Variants in TOX2 observed in about 807,000 individuals in gnomAD.
TOX2 encodes granulosa cell HMG box 1.
TOX2 carries 15 observed loss-of-function variants against 47.4 expected under a neutral mutation model. The ratio of observed to expected loss-of-function variants is 0.32; its 90% CI spans 0.21 to 0.49. The LOEUF (loss-of-function observed/expected upper bound fraction) is 0.49. Among genes scored for constraint, TOX2 ranks in the 20% least tolerant of loss-of-function variants. The pLI is 0.99. For synonymous variants in TOX2, 290 were observed against 296.6 expected (o/e 0.98, Z 0.23); for missense variants, 622 against 673.1 (o/e 0.92, Z 0.84).
chr20:43,993,986 C>T (rs2070417657), intron 2 of TOX2, among the ~76,000 whole-genome samples: 1 of 151,750 alleles, frequency 6.6e-6, no homozygotes, highest in Admixed American at 6.6e-5. Flanking sequence ...GACCCGGTCT[C>T]TACAAAAAAA....
chr20:44,051,365 G>T lies in TOX2; in HGVS notation c.471G>T (p.Leu157=). Residue 157 remains leucine (L), a synonymous_variant, in exon 4 of 9, where the codon CTG becomes CTT. Coordinates refer to ENST00000341197, the MANE Select transcript of TOX2 (RefSeq NM_001098797.2). The part of the protein sequence containing the change: ...AAYDSGRPGP[L]LGRPAMLASH... ...ATGACTCGGGCCGGCCCGGGCCCCT[G>T]CTGGGTCGCCCGGCAATGCTGGCCA... The T allele has an allele frequency of 6.2e-7, 1 of 1,613,932 alleles. No individual in the cohort carries two copies. Among genetic ancestry groups the T allele is most frequent in the Admixed American group, 1.7e-5 (1 of 60,012 alleles).
intron 1 of TOX2, among the ~76,000 whole-genome samples, chr20:43,936,229 C>T (rs1242421340): frequency 6.6e-6 from 1 of 152,184 alleles, no homozygotes; most frequent in Non-Finnish European, 1.5e-5. Flanking sequence ...AACTCAGGGT[C>T]TGAACTTTCC....
At chr20:43,954,930 C>A (rs1319783376) in intron 1 of TOX2, among the ~76,000 whole-genome samples, 4 of 152,226 alleles carry the variant, frequency 2.6e-5, no homozygotes, top group African/African-American at 9.6e-5. Flanking sequence ...GGACAGCCTT[C>A]TAGCACGTGA....
At chr20:44,034,947 C>T (rs988440606) in intron 3 of TOX2, among the ~76,000 whole-genome samples, 4 of 152,246 alleles carry the variant, frequency 2.6e-5, no homozygotes, top group African/African-American at 7.2e-5. Flanking sequence ...TATGTCTCCA[C>T]CTCAGAGAAT....
intron 3 of TOX2, among the ~76,000 whole-genome samples, chr20:44,028,762 C>A (rs750166888): frequency 6.6e-6 from 1 of 152,160 alleles, no homozygotes; most frequent in Non-Finnish European, 1.5e-5. Context: ...GCTCTCAGAC[C>A]CCTTTTGAAA....
rs752816198 is a variant in TOX2, at chr20:44,066,002, C to T, written c.1251C>T (p.Leu417=). 4 of 1,612,912 alleles carry T rather than the reference C, an allele frequency of 2.5e-6. No individual in the cohort carries two copies. Among genetic ancestry groups the T allele is most frequent in the Middle Eastern group, 1.7e-4 (1 of 5,762 alleles). Residue 417 remains leucine (L), a synonymous_variant, in exon 7 of 9, where the codon CTC becomes CTT. Coordinates refer to ENST00000341197, the MANE Select transcript of TOX2 (RefSeq NM_001098797.2). ...SLPPHAQGAL[L]SPPVSMSPAP... is the part of the protein sequence containing the mutation. ...CCCCTCACGCCCAGGGCGCCCTCCT[C>T]AGTCCACCTGTTAGCATGTCCCCAG...
At chr20:43,992,705 T>G (rs1186721488) in intron 2 of TOX2, among the ~76,000 whole-genome samples, 1 of 152,138 alleles carries the variant, frequency 6.6e-6, no homozygotes, top group African/African-American at 2.4e-5. Flanking sequence ...GCCCTTGATA[T>G]GGCAAAAGTT....
chr20:44,038,258 TC>T (rs1244256390), intron 3 of TOX2, among the ~76,000 whole-genome samples: 1 of 151,972 alleles, frequency 6.6e-6, no homozygotes, highest in Admixed American at 6.6e-5. Context: ...TTAGCCGGGT[TC>T]CGTGGCTCCA....
intron 1 of TOX2, among the ~76,000 whole-genome samples, chr20:43,971,527 C>T (rs1010000637): frequency 2.0e-5 from 3 of 152,176 alleles, no homozygotes; most frequent in Non-Finnish European, 4.4e-5. Context: ...CTACGGCCTC[C>T]GTGAGGGCAG....
intron 3 of TOX2, among the ~76,000 whole-genome samples, chr20:44,010,501 GA>G (rs980744663): frequency 1.1e-4 from 17 of 152,168 alleles, no homozygotes; most frequent in African/African-American, 4.1e-4. Context: ...GACCAACTGG[GA>G]AAACCAGATA....
At chr20:43,927,707 T>TCTTCCTTCCTTCCCTTCCCTTCCC (rs2069194927) in intron 1 of TOX2, among the ~76,000 whole-genome samples, 1 of 116,160 alleles carries the variant, frequency 8.6e-6, no homozygotes, top group African/African-American at 4.4e-5. Context: ...TTCCTTCCTT[T>TCTTCCTTCCTTCCCTTCCCTTCCC]CTTCCTTCCT....
chr20:43,986,219 G>C (rs2070260737), intron 2 of TOX2, among the ~76,000 whole-genome samples: 1 of 151,890 alleles, frequency 6.6e-6, no homozygotes, highest in Middle Eastern at 3.2e-3. Context: ...ATTGCAACAG[G>C]AAAGATATAA....
At chr20:43,997,347 G>C (rs2070498882) in intron 2 of TOX2, among the ~76,000 whole-genome samples, 1 of 152,126 alleles carries the variant, frequency 6.6e-6, no homozygotes, top group African/African-American at 2.4e-5. Flanking sequence ...CACAATCACA[G>C]TGGAAATTTT....
chr20:43,918,372 G>A (rs1325862397), intron 1 of TOX2, among the ~76,000 whole-genome samples: 3 of 152,140 alleles, frequency 2.0e-5, no homozygotes, highest in South Asian at 2.1e-4. Flanking sequence ...AGTTCCATGA[G>A]TTTTGATAAA....
chr20:43,945,541 C>A (rs2069453927), intron 1 of TOX2, among the ~76,000 whole-genome samples: 2 of 152,222 alleles, frequency 1.3e-5, no homozygotes, highest in African/African-American at 4.8e-5. Flanking sequence ...CACACGTTGA[C>A]AGGTGCTGCC....
At chr20:43,979,757 C>A (rs2070139639) in intron 2 of TOX2, among the ~76,000 whole-genome samples, 1 of 152,020 alleles carries the variant, frequency 6.6e-6, no homozygotes, top group Non-Finnish European at 1.5e-5. Context: ...CCTGCAATGG[C>A]AAAGAGGCAT....
intron 3 of TOX2, among the ~76,000 whole-genome samples, chr20:44,026,636 G>A (rs1229122793): frequency 6.6e-6 from 1 of 152,066 alleles, no homozygotes; most frequent in Non-Finnish European, 1.5e-5. Context: ...AGGGGGTGCT[G>A]GAGAGCAGGA....
intron 1 of TOX2, among the ~76,000 whole-genome samples, chr20:43,935,630 A>C (rs1042594206): frequency 4.6e-5 from 7 of 152,322 alleles, no homozygotes; most frequent in African/African-American, 1.7e-4. Flanking sequence ...AGCCTGTAAG[A>C]AGCAGAGTGG....
At position 44,027,010 on chromosome 20, in the gene TOX2, G is replaced by C. The variant is rs549205525; in HGVS notation, c.411+20218G>C. On this transcript the variant is annotated intron_variant, in intron 3 of 8. Transcript: ENST00000341197. The stretch of plus-strand genomic sequence containing the variant: ...AGTTCATAAAAACATGTAAACACGG[G>C]TGAGGATACAAAATATTGAGCGGCG... Among the ~76,000 whole-genome samples, 4 of 152,310 alleles carry C rather than the reference G, an allele frequency of 2.6e-5. No homozygotes were observed. The South Asian group carries it at 6.2e-4, about 24-fold the overall frequency.
Sources: allele counts gnomAD v4.1 joint callset (sites outside exome capture counted in the v4.1 genomes callset), GRCh38; gene constraint gnomAD v4.1.1; transcripts MANE v1.5; gene names NCBI Gene and HGNC (gene_info 2026-07-23, HGNC 2026-07-21).